Variants in AFF3 observed in about 807,000 individuals in gnomAD.
AFF3 encodes AF4/FMR2 family member 3.
Under a neutral mutation model 129.7 loss-of-function variants are expected in AFF3, and 32 were observed. The ratio of observed to expected loss-of-function variants is 0.25; its 90% confidence interval spans 0.19 to 0.33. The LOEUF (loss-of-function observed/expected upper bound fraction) is 0.33. Ranked by LOEUF, AFF3 falls within the 10% of genes least tolerant of loss-of-function variation. The pLI is 1.00. For synonymous variants in AFF3, 644 were observed against 635.4 expected, an observed-to-expected ratio of 1.01 and a Z score of -0.20; for missense variants, 1,373 against 1,592.0, an observed-to-expected ratio of 0.86 and a Z score of 2.34.
In AFF3 at chr2:99,653,521, C is replaced by T. The variant is rs141466637; in HGVS notation, c.1144-3855G>A. On this transcript the variant is annotated intron_variant, in intron 12 of 24. Coordinates refer to ENST00000672756, the MANE Select transcript of AFF3 (RefSeq NM_001386135.1). ...GCTGGTCAGAAAATGATTTAAAAAG[C>T]GAAAGGAAAACAAACAAACAAAAAG... Among the ~76,000 whole-genome samples, 282 of 152,284 alleles carry T rather than the reference C, an allele frequency of 1.9e-3. 2 individuals carry two copies. The highest frequency in any genetic ancestry group is 6.4e-3 in the African/African-American group (268 of 41,552).
chr2:99,988,416 T>C (rs1315424667), intron 7 of AFF3, among the ~76,000 whole-genome samples: 11 of 152,154 alleles, frequency 7.2e-5, no homozygotes, highest in Non-Finnish European at 1.3e-4. Flanking sequence ...ATAGTGTACC[T>C]GGCACAGCAT....
intron 12 of AFF3, among the ~76,000 whole-genome samples, chr2:99,665,517 T>A (rs1417405902): frequency 1.3e-5 from 2 of 152,198 alleles, no homozygotes; most frequent in Non-Finnish European, 2.9e-5. Context: ...GACGAACATG[T>A]TTGTGTGTCT....
At chr2:99,762,159 C>T (rs184918568) in intron 8 of AFF3, among the ~76,000 whole-genome samples, 52 of 148,572 alleles carry the variant, frequency 3.5e-4, no homozygotes, top group Non-Finnish European at 7.4e-4. Flanking sequence ...GAGTCTCGCT[C>T]TGTCACCCAG....
At chr2:100,046,395 T>C (rs1685837245) in intron 4 of AFF3, among the ~76,000 whole-genome samples, 1 of 151,940 alleles carries the variant, frequency 6.6e-6, no homozygotes, top group South Asian at 2.1e-4. Flanking sequence ...CTCAAGTAAA[T>C]AGTCAATAAG....
At chr2:100,107,293 A>G (rs1691344822) in intron 2 of AFF3, 1 of 985,202 alleles carries the variant, frequency 1.0e-6, no homozygotes, top group East Asian at 1.1e-4. Context: ...GATCTTTATT[A>G]TTTATCTGGT....
intron 11 of AFF3, among the ~76,000 whole-genome samples, chr2:99,694,808 G>A (rs548827960): frequency 3.3e-5 from 5 of 152,262 alleles, no homozygotes; most frequent in African/African-American, 1.2e-4. Context: ...CTGGGTTCAA[G>A]CGACTCTCCT....
intron 8 of AFF3, among the ~76,000 whole-genome samples, chr2:99,824,921 C>A (rs1259905075): frequency 3.7e-4 from 57 of 152,152 alleles, no homozygotes; most frequent in Admixed American, 3.7e-3. Context: ...GTCTAAACAA[C>A]CCCAGCGGTG....
chr2:100,138,127 G>A (rs1378790979), intron 1 of AFF3, among the ~76,000 whole-genome samples: 1 of 152,124 alleles, frequency 6.6e-6, no homozygotes, highest in Non-Finnish European at 1.5e-5. Context: ...TTTTTTTGCT[G>A]TCACCACCAA....
intron 13 of AFF3, among the ~76,000 whole-genome samples, chr2:99,603,826 A>G (rs1680072714): frequency 6.6e-6 from 1 of 152,228 alleles, no homozygotes; most frequent in Non-Finnish European, 1.5e-5. Flanking sequence ...GGACATAAAC[A>G]AACACTTCAA....
chr2:99,736,345 G>T (rs1367892814), intron 10 of AFF3, among the ~76,000 whole-genome samples: 2 of 152,056 alleles, frequency 1.3e-5, no homozygotes, highest in East Asian at 3.9e-4. Context: ...ATCTTTCCTT[G>T]GGTAGTGACC....
intron 18 of AFF3, among the ~76,000 whole-genome samples, chr2:99,575,300 C>T (rs889213631): frequency 6.6e-6 from 1 of 152,024 alleles, no homozygotes; most frequent in Admixed American, 6.6e-5. Flanking sequence ...ACTCTTGTTG[C>T]CCAGATTGGA....
At chr2:100,103,455 T>G (rs1225800286) in intron 4 of AFF3, among the ~76,000 whole-genome samples, 1 of 148,270 alleles carries the variant, frequency 6.7e-6, no homozygotes, top group Non-Finnish European at 1.5e-5. Flanking sequence ...TCCAGGAATA[T>G]GCAGGCAGTA....
At chr2:100,103,759 C>T (rs1484029064) in intron 4 of AFF3, among the ~76,000 whole-genome samples, 1 of 151,724 alleles carries the variant, frequency 6.6e-6, no homozygotes, top group Non-Finnish European at 1.5e-5. Context: ...GCAACTGTGA[C>T]GAGGTGTGAA....
chr2:99,695,710 C>T (rs1676146847), intron 11 of AFF3, among the ~76,000 whole-genome samples: 1 of 152,086 alleles, frequency 6.6e-6, no homozygotes, highest in Non-Finnish European at 1.5e-5. Flanking sequence ...ATGCACAACA[C>T]AGTACTCCAT....
At chr2:99,880,418 G>A (rs2106011269) in intron 7 of AFF3, among the ~76,000 whole-genome samples, 1 of 152,268 alleles carries the variant, frequency 6.6e-6, no homozygotes, top group Non-Finnish European at 1.5e-5. Flanking sequence ...AGACCAAACA[G>A]ACACCTGACC....
At chr2:99,954,335 T>C (rs1043180452) in intron 7 of AFF3, among the ~76,000 whole-genome samples, 7 of 152,148 alleles carry the variant, frequency 4.6e-5, no homozygotes, top group Non-Finnish European at 7.3e-5. Flanking sequence ...TTTAAAAGTA[T>C]AGAGTATAAA....
chr2:100,138,052 C>T (rs930537585), intron 1 of AFF3, among the ~76,000 whole-genome samples: 1 of 152,136 alleles, frequency 6.6e-6, no homozygotes, highest in Non-Finnish European at 1.5e-5. Flanking sequence ...TTAGATTGCC[C>T]ATGATAACAA....
rs148545103 is a variant in AFF3 at position 99,576,806 on chromosome 2, CTCT to C, written c.2918+1518_2918+1520del. Among the ~76,000 whole-genome samples the C allele has an allele frequency of 7.4e-3, 1,127 of 152,252 alleles. 11 individuals carry two copies. The highest frequency in any genetic ancestry group is 0.026 in the African/African-American group (1,082 of 41,526). ...TGTTATCCTTATATACAATTTTAATCTCTTCTTTTTACAAATGGCTGAAGTTCA... is the reference window on the plus strand; with the variant it reads ...TGTTATCCTTATATACAATTTTAATCTCTTTTTACAAATGGCTGAAGTTCA... On this transcript the variant is annotated intron_variant, in intron 18 of 24. Coordinates refer to ENST00000672756, the MANE Select transcript of AFF3 (RefSeq NM_001386135.1).
At chr2:99,888,364 T>A (rs550494638) in intron 7 of AFF3, among the ~76,000 whole-genome samples, 1 of 152,344 alleles carries the variant, frequency 6.6e-6, no homozygotes, top group African/African-American at 2.4e-5. Context: ...ATACATATAA[T>A]GTTTGAACTT....
Sources: gnomAD v4.1 joint callset for allele counts (sites outside exome capture counted in the v4.1 genomes callset) on GRCh38, gnomAD v4.1.1 for gene constraint, MANE v1.5 for transcripts, NCBI Gene and HGNC (gene_info 2026-07-23, HGNC 2026-07-21) for gene names.